The following POLR2M variants were observed in gnomAD, a reference collection of about 807,000 sequenced individuals.
POLR2M encodes RNA polymerase II subunit M, also known as protein GRINL1A.
In POLR2M, 30 loss-of-function variants were observed where a neutral mutation model predicts 34.6. That is an observed-to-expected ratio of 0.87 (90% CI 0.65 to 1.18). The LOEUF (loss-of-function observed/expected upper bound fraction) is 1.18, where lower values mean the gene tolerates loss of function less well. POLR2M is among the 50% of genes most tolerant of loss of function. The probability of loss-of-function intolerance (pLI) is 0.00; values close to 1 mark genes in which losing one functional copy is unlikely to be tolerated. For synonymous variants in POLR2M, 150 were observed against 166.7 expected, an observed-to-expected ratio of 0.90 and a Z score of 0.77; for missense variants, 432 against 448.7, an observed-to-expected ratio of 0.96 and a Z score of 0.34.
intron 2 of POLR2M, 62 bp from the exon 3 acceptor site, chr15:57,711,922 G>C: frequency 3.8e-6 from 6 of 1,583,474 alleles, no homozygotes; most frequent in Non-Finnish European, 5.2e-6. Flanking sequence ...TTGTGTGAAT[G>C]TTTTAAATGT....
At chr15:57,707,191 C>T (rs530632374) in intron 1 of POLR2M, 2 of 1,473,038 alleles carry the variant, frequency 1.4e-6, no homozygotes, top group South Asian at 2.7e-5. Flanking sequence ...CCTGGCGTTG[C>T]AGGGAGTTAG....
chr15:57,712,071 G>C lies in POLR2M; in HGVS notation c.846G>C (p.Lys282Asn). ...ISSEERRRRD[K>N]QHLDDITAAR... ...CAGAAGAGCGGCGGCGCAGGGATAA[G>C]CAGCATCTTGATGACATCACAGCAG... is the stretch of plus-strand genomic sequence containing the variant. Residue 282 changes from lysine (K) to asparagine (N), a missense_variant, in exon 3 of 4, where the codon AAG becomes AAC. Physicochemically the swap from Lys to Asn is moderately conservative, Grantham distance 94. Coordinates refer to ENST00000299638, the MANE Select transcript of POLR2M (RefSeq NM_015532.5). The C allele has an allele frequency of 2.5e-6, 4 of 1,614,168 alleles. No individual in the cohort carries two copies. The highest frequency in any genetic ancestry group is 3.4e-6 in the Non-Finnish European group (4 of 1,180,012).
Position 57,706,732 on chromosome 15 carries a change from C to T in POLR2M, c.-111C>T. 8.1e-7 allele frequency: 1 copy of T among 1,227,238 alleles called. No homozygotes were observed. The highest frequency in any genetic ancestry group is 2.0e-4 in the Middle Eastern group (1 of 5,124). 76.0% of individuals were successfully genotyped at this position (1,227,238 alleles called of 1,614,324 possible). ...AGACCCCGTTCTTCCGGGAAAATGGCGACTCCCGCTCGTGCCCCGGAGTCA... is the reference window on the plus strand; with the variant it reads ...AGACCCCGTTCTTCCGGGAAAATGGTGACTCCCGCTCGTGCCCCGGAGTCA... On this transcript the variant is annotated 5_prime_UTR_variant, in exon 1 of 4. Coordinates refer to ENST00000299638, the MANE Select transcript of POLR2M (RefSeq NM_015532.5).
At chr15:57,709,387 CA>C (rs2040622691) in intron 2 of POLR2M, 29 bp downstream of exon 2, 13 of 1,582,552 alleles carry the variant, frequency 8.2e-6, no homozygotes, top group Non-Finnish European at 1.1e-5. Context: ...AGGCCTGTAA[CA>C]GGAACGTGAT....
chr15:57,710,174 C>G (rs1439196345), intron 2 of POLR2M, among the ~76,000 whole-genome samples: 3 of 152,002 alleles, frequency 2.0e-5, no homozygotes, highest in African/African-American at 7.3e-5. Context: ...GGGAAGGAAG[C>G]TGAGAAGAGG....
intron 1 of POLR2M, 150 bp downstream of exon 1, chr15:57,707,105 G>T (rs1395873663): frequency 6.5e-6 from 10 of 1,546,524 alleles, no homozygotes; most frequent in Non-Finnish European, 8.7e-6. Flanking sequence ...GTGGACGGAG[G>T]GCTTGCTGCG....
In POLR2M at chr15:57,711,988, C is replaced by G. The variant is rs767076316; in HGVS notation, c.763C>G (p.Pro255Ala). 3 of 1,613,924 alleles carry G rather than the reference C, an allele frequency of 1.9e-6. No individual in the cohort carries two copies. In the Admixed American group the frequency reaches 5.0e-5, roughly 27 times the overall value. ...QLRKFKTNVL[P>A]FRQNDSSSHC... is the part of the protein sequence containing the mutation. ...CACAAGTTTTCCTTTCATCAGGTTA[C>G]CTTTTCGACAAAATGATTCATCTAG... Residue 255 changes from proline (P) to alanine (A), a missense_variant, in exon 3 of 4, where the codon CCT becomes GCT. Pro to Ala is a conservative substitution (Grantham distance 27). Transcript: ENST00000299638.
intron 3 of POLR2M, among the ~76,000 whole-genome samples, chr15:57,713,733 AAATG>A (rs1176152379): frequency 2.0e-5 from 3 of 150,502 alleles, no homozygotes; most frequent in Non-Finnish European, 4.4e-5. Flanking sequence ...TTTGCCATTG[AAATG>A]TAATTCCCAA....
intron 3 of POLR2M, among the ~76,000 whole-genome samples, chr15:57,713,613 C>T (rs373772511): frequency 3.9e-5 from 6 of 152,214 alleles, no homozygotes; most frequent in Admixed American, 1.3e-4. Context: ...TTTTTAAGTA[C>T]ATTGCCAGTG....
intron 3 of POLR2M, 147 bp downstream of exon 3, chr15:57,712,335 T>A: frequency 2.1e-6 from 2 of 962,960 alleles, no homozygotes; most frequent in South Asian, 1.8e-5. Context: ...TTTCAGAGAG[T>A]CACAAAGTTG....
intron 2 of POLR2M, among the ~76,000 whole-genome samples, chr15:57,710,209 C>T (rs2040655310): frequency 6.6e-6 from 1 of 152,152 alleles, no homozygotes; most frequent in Non-Finnish European, 1.5e-5. Context: ...AAAATAGATT[C>T]AGGCAGGATA....
Position 57,709,271 on chromosome 15 carries a change from G to A in POLR2M, c.671G>A (p.Gly224Glu). 9 of 1,614,174 alleles carry A rather than the reference G, an allele frequency of 5.6e-6. No homozygotes were observed. The highest frequency in any genetic ancestry group is 7.6e-6 in the Non-Finnish European group (9 of 1,180,026). The change falls in exon 2 of 4, where the codon GGG becomes GAG. Residue 224 changes from glycine (G) to glutamate (E), a missense_variant. Coordinates refer to ENST00000299638, the MANE Select transcript of POLR2M (RefSeq NM_015532.5). Reference sequence around the variant, plus strand: ...AAGAACTTGACAGGCCTTTCCAGTGGGACTGAGAAGAAACCTCATTACATG... The same window carrying A: ...AAGAACTTGACAGGCCTTTCCAGTGAGACTGAGAAGAAACCTCATTACATG... ...STKNLTGLSS[G>E]TEKKPHYMEV...
In POLR2M at chr15:57,715,307, G is replaced by A. The variant is rs1260575178; in HGVS notation, c.*628G>A. Reference sequence around the variant, plus strand: ...TTTTGAGTAGATGCTGGAAAGTGGAGGTTTTTTTTGTTGGTTTGTTTGTTT... The same window carrying A: ...TTTTGAGTAGATGCTGGAAAGTGGAAGTTTTTTTTGTTGGTTTGTTTGTTT... On this transcript the variant is annotated 3_prime_UTR_variant, in exon 4 of 4. Coordinates refer to ENST00000299638, the MANE Select transcript of POLR2M (RefSeq NM_015532.5). The A allele has an allele frequency of 1.3e-5, 2 of 152,564 alleles. No individual in the cohort carries two copies. The highest frequency in any genetic ancestry group is 4.8e-5 in the African/African-American group (2 of 41,382). The allele number at this position is 152,564 out of a possible 1,614,324, so 9.5% of individuals were successfully genotyped here.
In POLR2M at chr15:57,714,829, C is replaced by G; in HGVS notation, c.*150C>G. 2 of 1,286,572 alleles carry G rather than the reference C, an allele frequency of 1.6e-6. No homozygotes were observed. Among genetic ancestry groups the G allele is most frequent in the Non-Finnish European group, 2.1e-6 (2 of 946,808 alleles). The allele number at this position is 1,286,572 out of a possible 1,614,324, so 79.7% of individuals were successfully genotyped here. The stretch of plus-strand genomic sequence containing the variant: ...TATAAAAAAAGCCCAGTTTGTCTTT[C>G]AGAAGGTGACTTTCATGTGCTTGAA... On this transcript the variant is annotated 3_prime_UTR_variant, in exon 4 of 4. Transcript: ENST00000299638.
chr15:57,711,625 C>T (rs899854977), intron 2 of POLR2M, among the ~76,000 whole-genome samples: 2 of 151,910 alleles, frequency 1.3e-5, no homozygotes, highest in Non-Finnish European at 2.9e-5. Flanking sequence ...CCTTATGTTC[C>T]AATGTATCTT....
At position 57,714,874 on chromosome 15, in the gene POLR2M, T is replaced by G. The variant is rs1385442102; in HGVS notation, c.*195T>G. 1.4e-4 allele frequency: 125 copies of G among 867,902 alleles called. No individual in the cohort carries two copies. The highest frequency in any genetic ancestry group is 1.9e-4 in the Non-Finnish European group (109 of 582,202). 53.8% of individuals were successfully genotyped at this position (867,902 alleles called of 1,614,324 possible). A position where few individuals can be genotyped will look rare whatever the true frequency, so the allele number is the denominator to read the frequency against. ...CTTGAAAAGTTTAATATTTGAATAT[T>G]GTGTTTAACCACATGGTATTAAAAT... is the stretch of plus-strand genomic sequence containing the variant. On this transcript the variant is annotated 3_prime_UTR_variant, in exon 4 of 4. Coordinates refer to ENST00000299638, the MANE Select transcript of POLR2M (RefSeq NM_015532.5).
At chr15:57,711,036 G>A (rs1354956524) in intron 2 of POLR2M, among the ~76,000 whole-genome samples, 1 of 152,158 alleles carries the variant, frequency 6.6e-6, no homozygotes, top group African/African-American at 2.4e-5. Context: ...CATGAAACTT[G>A]ATCACTTGGG....
chr15:57,713,661 G>T (rs2040826216), intron 3 of POLR2M, among the ~76,000 whole-genome samples: 1 of 151,964 alleles, frequency 6.6e-6, no homozygotes, highest in Non-Finnish European at 1.5e-5. Context: ...GATACTAGTT[G>T]CTGTAGGACT....
At chr15:57,707,631 G>A in intron 1 of POLR2M, 1 of 425,678 alleles carries the variant, frequency 2.3e-6, no homozygotes, top group Non-Finnish European at 4.8e-6. Flanking sequence ...AAATGCAGTT[G>A]ACAGAGATGG....
Sources: allele counts gnomAD v4.1 joint callset (sites outside exome capture counted in the v4.1 genomes callset), GRCh38; gene constraint gnomAD v4.1.1; transcripts MANE v1.5; gene names NCBI Gene and HGNC (gene_info 2026-07-23, HGNC 2026-07-21).